The following BAZ2B variants were observed in gnomAD, a reference collection of about 807,000 sequenced individuals.
The protein encoded by BAZ2B is bromodomain adjacent to zinc finger domain protein 2B.
BAZ2B carries 91 observed loss-of-function variants against 246.0 expected under a neutral mutation model. The observed-to-expected ratio is 0.37, with a 90% CI of 0.31 to 0.44. The LOEUF is 0.44. Among genes scored for constraint, BAZ2B ranks in the 20% least tolerant of loss-of-function variants. The pLI is 1.00. For synonymous variants in BAZ2B, 855 were observed against 860.0 expected (o/e 0.99, Z 0.10); for missense variants, 2,332 against 2,533.7 (o/e 0.92, Z 1.71).
intron 1 of BAZ2B, among the ~76,000 whole-genome samples, chr2:159,560,940 A>AG (rs1253025448): frequency 1.3e-5 from 2 of 152,088 alleles, no homozygotes; most frequent in African/African-American, 2.4e-5. Flanking sequence ...TTTTGGCAGG[A>AG]GGGGAGGATA....
intron 27 of BAZ2B, among the ~76,000 whole-genome samples, chr2:159,368,190 G>C (rs1410163034): frequency 6.6e-6 from 1 of 152,144 alleles, no homozygotes; most frequent in South Asian, 2.1e-4. Flanking sequence ...GAGTAACTGA[G>C]ATTACAGGTG....
At chr2:159,651,140 T>C in the BAZ2B span, among the ~76,000 whole-genome samples, 1 of 152,202 alleles carries the variant, frequency 6.6e-6, no homozygotes, top group Non-Finnish European at 1.5e-5. Flanking sequence ...GGGAATCATA[T>C]ATCCAAGAAT....
intron 2 of BAZ2B, chr2:159,536,249 G>A (rs2085972318): frequency 6.6e-6 from 1 of 151,908 alleles, no homozygotes; most frequent in African/African-American, 2.4e-5. Context: ...TTTTTTTAAG[G>A]CTAGTCAAGC....
chr2:159,593,307 G>A (rs1276790358), intron 1 of BAZ2B, among the ~76,000 whole-genome samples: 1 of 152,052 alleles, frequency 6.6e-6, no homozygotes, highest in Non-Finnish European at 1.5e-5. Flanking sequence ...GTACTTCTAT[G>A]TATTCCATCA....
At chr2:159,612,338 T>G (rs1178172388) in intron 1 of BAZ2B, among the ~76,000 whole-genome samples, 1 of 152,078 alleles carries the variant, frequency 6.6e-6, no homozygotes, top group African/African-American at 2.4e-5. Context: ...CTTAATTTTA[T>G]GTAACCAAAA....
At chr2:159,439,252 G>C (rs2072949632) in intron 6 of BAZ2B, 40 bp from the exon 7 acceptor site, 1 of 1,528,614 alleles carries the variant, frequency 6.5e-7, no homozygotes, top group Non-Finnish European at 8.9e-7. Context: ...TTTATTTTTG[G>C]AAAACATTCA....
At chr2:159,392,772 C>A (rs2063506181) in intron 20 of BAZ2B, among the ~76,000 whole-genome samples, 1 of 152,098 alleles carries the variant, frequency 6.6e-6, no homozygotes, top group South Asian at 2.1e-4. Context: ...ATGATTAATT[C>A]TTCAAATGAC....
At chr2:159,545,704 C>T (rs1484702460) in intron 2 of BAZ2B, among the ~76,000 whole-genome samples, 1 of 152,086 alleles carries the variant, frequency 6.6e-6, no homozygotes, top group Non-Finnish European at 1.5e-5. Context: ...AAAATATAAT[C>T]TATGCCTTTA....
In BAZ2B at chr2:159,324,690, C is replaced by G. The variant is rs1343510978; in HGVS notation, c.6353+121G>C. 3 of 356,446 alleles carry G rather than the reference C, an allele frequency of 8.4e-6. No homozygotes were observed. In the South Asian group the frequency reaches 1.2e-4, roughly 14 times the overall value. The allele number at this position is 356,446 out of a possible 1,614,324, so 22.1% of individuals were successfully genotyped here. A position where few individuals can be genotyped will look rare whatever the true frequency, so the allele number is the denominator to read the frequency against. ...CACACACACACACACACACACACAC[C>G]TGCCTCAAAGGCAGGGCCTATATCT... On this transcript the variant is annotated intron_variant, in intron 36 of 36. Transcript: ENST00000392783.
At chr2:159,465,419 A>G (rs2076918457) in intron 3 of BAZ2B, among the ~76,000 whole-genome samples, 1 of 152,160 alleles carries the variant, frequency 6.6e-6, no homozygotes, top group Non-Finnish European at 1.5e-5. Context: ...GAGGGGGAGG[A>G]TACAATTTAA....
chr2:159,395,151 G>A (rs376731432), intron 20 of BAZ2B, among the ~76,000 whole-genome samples: 1 of 152,080 alleles, frequency 6.6e-6, no homozygotes, highest in Non-Finnish European at 1.5e-5. Flanking sequence ...ACCAGCAGGG[G>A]AACCTGTGTC....
chr2:159,562,410 T>C (rs1329214923), intron 1 of BAZ2B, among the ~76,000 whole-genome samples: 1 of 152,204 alleles, frequency 6.6e-6, no homozygotes, highest in Non-Finnish European at 1.5e-5. Flanking sequence ...TGCCTGTTTT[T>C]CCACACTTTA....
chr2:159,513,993 G>A (rs2083189014), intron 2 of BAZ2B, among the ~76,000 whole-genome samples: 1 of 152,026 alleles, frequency 6.6e-6, no homozygotes, highest in South Asian at 2.1e-4. Flanking sequence ...CCTCTGCCTG[G>A]AAGACTTTCC....
chr2:159,540,564 C>T (rs2086542621), intron 2 of BAZ2B, among the ~76,000 whole-genome samples: 1 of 152,166 alleles, frequency 6.6e-6, no homozygotes, highest in African/African-American at 2.4e-5. Flanking sequence ...TTTTCTATTT[C>T]TAAATATCCA....
chr2:159,465,402 G>A (rs1224917806), intron 3 of BAZ2B, among the ~76,000 whole-genome samples: 1 of 152,182 alleles, frequency 6.6e-6, no homozygotes, highest in African/African-American at 2.4e-5. Context: ...TTTAACCTAT[G>A]TCTTTTGAGG....
intron 3 of BAZ2B, among the ~76,000 whole-genome samples, chr2:159,465,959 C>T (rs1337575521): frequency 1.3e-5 from 2 of 151,900 alleles, no homozygotes; most frequent in African/African-American, 4.8e-5. Flanking sequence ...TGTATAGATG[C>T]CTACAACATT....
intron 13 of BAZ2B, among the ~76,000 whole-genome samples, chr2:159,426,974 T>C (rs928317984): frequency 6.6e-6 from 1 of 152,166 alleles, no homozygotes; most frequent in Non-Finnish European, 1.5e-5. Flanking sequence ...AAGGAAAATA[T>C]CAACTTCAGC....
rs2062536548 is a variant in BAZ2B at position 159,320,169 on chromosome 2, A to C, written c.*96T>G. 9.3e-7 allele frequency: 1 copy of C among 1,076,558 alleles called. No homozygotes were observed. The highest frequency in any genetic ancestry group is 1.7e-5 in the African/African-American group (1 of 60,164). The allele number at this position is 1,076,558 out of a possible 1,614,324, so 66.7% of individuals were successfully genotyped here. ...ATACTTAAGGAAAAAGAAAGTCATT[A>C]TGTATGTGCCTTGCACGTTTATGTA... is the stretch of plus-strand genomic sequence containing the variant. On this transcript the variant is annotated 3_prime_UTR_variant, in exon 37 of 37. Coordinates refer to ENST00000392783, the MANE Select transcript of BAZ2B (RefSeq NM_013450.4).
chr2:159,508,808 T>C (rs1453574028), intron 2 of BAZ2B, among the ~76,000 whole-genome samples: 3 of 152,222 alleles, frequency 2.0e-5, no homozygotes, highest in Non-Finnish European at 4.4e-5. Context: ...TGACCCATTA[T>C]ATCTGTTATT....
Sources: allele counts gnomAD v4.1 joint callset (sites outside exome capture counted in the v4.1 genomes callset), GRCh38; gene constraint gnomAD v4.1.1; transcripts MANE v1.5; gene names NCBI Gene and HGNC (gene_info 2026-07-23, HGNC 2026-07-21).